Variants in POLR3H observed in about 807,000 individuals in gnomAD.
The protein encoded by POLR3H is RNA polymerase III subunit H.
Under a neutral mutation model 25.5 loss-of-function variants are expected in POLR3H, and 17 were observed. The observed-to-expected ratio is 0.67, with a 90% confidence interval of 0.46 to 1.00. The LOEUF (loss-of-function observed/expected upper bound fraction) is 1.00. Ranked by LOEUF, POLR3H falls within the 50% of genes least tolerant of loss-of-function variation. The probability of loss-of-function intolerance (pLI) is 0.00; values close to 1 mark genes in which losing one functional copy is unlikely to be tolerated. For synonymous variants in POLR3H, 129 were observed against 103.0 expected (o/e 1.25, Z -1.53); for missense variants, 274 against 265.0 (o/e 1.03, Z -0.24).
At chr22:41,533,057 G>A (rs1210138984) in intron 2 of POLR3H, among the ~76,000 whole-genome samples, 4 of 152,234 alleles carry the variant, frequency 2.6e-5, no homozygotes, top group South Asian at 2.1e-4. Flanking sequence ...CCTAAAAAGG[G>A]CAGAAGCAAC....
chr22:41,533,457 A>C (rs1473740223), intron 2 of POLR3H: 2 of 1,128,056 alleles, frequency 1.8e-6, no homozygotes, highest in Admixed American at 3.9e-5. Context: ...GCAGTGGCTC[A>C]GAGCCAGGGT....
rs140567350 is a variant in POLR3H, at chr22:41,530,813, G to A, written c.435C>T (p.Gly145=). The part of the protein sequence containing the change: ...EGAHDLYMDT[G]EEIRFRVVDE... ...CCACCACCCGGAAGCGGATCTCCTC[G>A]CCGGTGTCCATGTAGAGGTCGTGTG... Residue 145 remains glycine, a synonymous_variant, in exon 5 of 6, where the codon GGC becomes GGT. Transcript: ENST00000355209. 3.3e-4 allele frequency: 538 copies of A among 1,613,954 alleles called. 2 individuals are homozygous for A. Among genetic ancestry groups the A allele is most frequent in the Admixed American group, 4.3e-4 (26 of 60,008 alleles).
rs1372709074 is a variant in POLR3H, at chr22:41,527,178, G to C, written c.*2105C>G. 1 of 1,535,126 alleles carries C rather than the reference G, an allele frequency of 6.5e-7. No individual in the cohort carries two copies. On this transcript the variant is annotated 3_prime_UTR_variant, in exon 6 of 6. Transcript: ENST00000355209. Reference sequence around the variant, plus strand: ...AGGGCCCCTCCAGCCCCTTTACCGGGAGCCTCAGGATGCCCAGGCGCCAGG... The same window carrying C: ...AGGGCCCCTCCAGCCCCTTTACCGGCAGCCTCAGGATGCCCAGGCGCCAGG...
chr22:41,537,559 A>G (rs2066868517), intron 2 of POLR3H, among the ~76,000 whole-genome samples: 1 of 152,204 alleles, frequency 6.6e-6, no homozygotes, highest in Admixed American at 6.5e-5. Context: ...CATGGTGCTC[A>G]ACAGGACTTT....
chr22:41,527,978 G>A lies in POLR3H; in HGVS notation c.*1305C>T. The stretch of plus-strand genomic sequence containing the variant: ...TGACTACAACAAGATTCACCCTGTG[G>A]ACAAGCTGACCATTCAGGGCCTGAA... On this transcript the variant is annotated 3_prime_UTR_variant, in exon 6 of 6. Coordinates refer to ENST00000355209, the MANE Select transcript of POLR3H (RefSeq NM_001018050.4). 6.2e-7 allele frequency: 1 copy of A among 1,614,196 alleles called. No homozygotes were observed. The highest frequency in any genetic ancestry group is 8.5e-7 in the Non-Finnish European group (1 of 1,180,016).
chr22:41,533,865 G>C (rs532728601), intron 2 of POLR3H, among the ~76,000 whole-genome samples: 67 of 152,328 alleles, frequency 4.4e-4, no homozygotes, highest in South Asian at 3.7e-3. Context: ...GAGGCCGGGC[G>C]GGGTGGCTCA....
rs760261605 is a variant in POLR3H at position 41,528,438 on chromosome 22, A to G, written c.*845T>C. ...CCCCCCTGCGGGGCCAAGGGCACAC[A>G]GTACCCACCACTTCCACCCACACCC... On this transcript the variant is annotated 3_prime_UTR_variant, in exon 6 of 6. Transcript: ENST00000355209. 5 of 1,605,156 alleles carry G rather than the reference A, an allele frequency of 3.1e-6. No individual in the cohort carries two copies. Among genetic ancestry groups the G allele is most frequent in the Non-Finnish European group, 3.4e-6 (4 of 1,176,670 alleles).
intron 2 of POLR3H, 53 bp from the exon 3 acceptor site, chr22:41,532,798 C>T (rs1236100632): frequency 6.3e-7 from 1 of 1,586,264 alleles, no homozygotes; most frequent in East Asian, 2.2e-5. Context: ...CAGTGCGCTC[C>T]CATGTCACCC....
intron 2 of POLR3H, chr22:41,533,772 G>C (rs1016529071): frequency 8.4e-7 from 1 of 1,189,890 alleles, no homozygotes; most frequent in African/African-American, 1.6e-5. Flanking sequence ...AGATGAGGGC[G>C]GCCAAGGGCC....
chr22:41,540,301 A>C (rs2066908800), intron 2 of POLR3H: 1 of 350,260 alleles, frequency 2.9e-6, no homozygotes, highest in Non-Finnish European at 5.6e-6. Flanking sequence ...AGAGCTATGA[A>C]GTCAGAGCTG....
At chr22:41,529,645 C>A in intron 5 of POLR3H, 1 of 672,574 alleles carries the variant, frequency 1.5e-6, no homozygotes, top group Non-Finnish European at 2.8e-6. Context: ...AACACAAGGC[C>A]CATGCTCCAG....
chr22:41,544,409 C>T lies in POLR3H; in HGVS notation c.-308G>A. 3.8e-6 allele frequency: 1 copy of T among 263,102 alleles called. No homozygotes were observed. The highest frequency in any genetic ancestry group is 7.1e-6 in the Non-Finnish European group (1 of 140,932). 16.3% of individuals were successfully genotyped at this position (263,102 alleles called of 1,614,324 possible). ...CACGCCCCGCACCCGCGCCACGTGC[C>T]GCCGCTCGTATCACGCACCACGCAC... On this transcript the variant is annotated 5_prime_UTR_variant, in exon 1 of 6. Coordinates refer to ENST00000355209, the MANE Select transcript of POLR3H (RefSeq NM_001018050.4).
chr22:41,538,322 A>G (rs1375123472), intron 2 of POLR3H, among the ~76,000 whole-genome samples: 1 of 151,870 alleles, frequency 6.6e-6, no homozygotes, highest in African/African-American at 2.4e-5. Context: ...TTTAGTAGAG[A>G]CAGGGTTTCA....
rs182262241 is a variant in POLR3H, at chr22:41,527,056, T to A, written c.*2227A>T. 99 of 610,744 alleles carry A rather than the reference T, an allele frequency of 1.6e-4. No homozygotes were observed. Among genetic ancestry groups the A allele is most frequent in the Admixed American group, 6.6e-4 (22 of 33,182 alleles). The allele number at this position is 610,744 out of a possible 1,614,324, so 37.8% of individuals were successfully genotyped here. ...GCACCAATGGGTGGCTTCTGTCTTC[T>A]TTGCCACTGCAAACAACCACGTGCC... On this transcript the variant is annotated 3_prime_UTR_variant, in exon 6 of 6. Transcript: ENST00000355209.
chr22:41,526,137 G>A lies in POLR3H; in HGVS notation c.*3146C>T. ...CCACAGAACACGTGTCTGAAGACTT[G>A]CCTGCCTCTCACCCCTCTGTCACCC... On this transcript the variant is annotated 3_prime_UTR_variant, in exon 6 of 6. Transcript: ENST00000355209. 2 of 776,908 alleles carry A rather than the reference G, an allele frequency of 2.6e-6. No homozygotes were observed. The highest frequency in any genetic ancestry group is 4.2e-6 in the Non-Finnish European group (2 of 481,284). The allele number at this position is 776,908 out of a possible 1,614,324, so 48.1% of individuals were successfully genotyped here. A position where few individuals can be genotyped will look rare whatever the true frequency, so the allele number is the denominator to read the frequency against.
At position 41,528,222 on chromosome 22, in the gene POLR3H, T is replaced by C; in HGVS notation, c.*1061A>G. 1.2e-6 allele frequency: 1 copy of C among 852,626 alleles called. No individual in the cohort carries two copies. The highest frequency in any genetic ancestry group is 1.8e-6 in the Non-Finnish European group (1 of 565,478). The allele number at this position is 852,626 out of a possible 1,614,324, so 52.8% of individuals were successfully genotyped here. A position where few individuals can be genotyped will look rare whatever the true frequency, so the allele number is the denominator to read the frequency against. On this transcript the variant is annotated 3_prime_UTR_variant, in exon 6 of 6. Coordinates refer to ENST00000355209, the MANE Select transcript of POLR3H (RefSeq NM_001018050.4). ...GGAGTCAACCCGGGGCCCTCACACCTCCCCAACCTCCCTTTACTCACCAGG... is the reference window on the plus strand; with the variant it reads ...GGAGTCAACCCGGGGCCCTCACACCCCCCCAACCTCCCTTTACTCACCAGG...
chr22:41,529,429 G>T, intron 5 of POLR3H, 93 bp from the exon 6 acceptor site: 1 of 1,153,844 alleles, frequency 8.7e-7, no homozygotes, highest in African/African-American at 1.5e-5. Flanking sequence ...GCCCAGCACA[G>T]GCAAAGAAGA....
chr22:41,532,666 T>TC lies in POLR3H; in HGVS notation c.287dup (p.Val97SerfsTer10). The TC allele has an allele frequency of 6.2e-7, 1 of 1,613,986 alleles. No individual in the cohort carries two copies. Among genetic ancestry groups the TC allele is most frequent in the Non-Finnish European group, 8.5e-7 (1 of 1,179,918 alleles). Reference sequence around the variant, plus strand: ...CGTCAGGGCCACTGTTACCGTGCACTCCTTCTGGGCTGCAGCCTTTGATCT... The same window carrying TC: ...CGTCAGGGCCACTGTTACCGTGCACTCCCTTCTGGGCTGCAGCCTTTGATCT... On this transcript the variant is annotated frameshift_variant, in exon 3 of 6. Transcript: ENST00000355209. LOFTEE classifies it high-confidence loss of function.
Position 41,527,380 on chromosome 22 carries a change from G to A in POLR3H, c.*1903C>T, listed in dbSNP as rs770017136. 1 of 1,613,716 alleles carries A rather than the reference G, an allele frequency of 6.2e-7. No individual in the cohort carries two copies. The highest frequency in any genetic ancestry group is 8.5e-7 in the Non-Finnish European group (1 of 1,179,962). On this transcript the variant is annotated 3_prime_UTR_variant, in exon 6 of 6. Coordinates refer to ENST00000355209, the MANE Select transcript of POLR3H (RefSeq NM_001018050.4). ...CAGCTCTGGAGCCTCGCCACCTTGG[G>A]GGCCGGGCCATCATCACCAAGAGCT...
Sources: gnomAD v4.1 joint callset for allele counts (sites outside exome capture counted in the v4.1 genomes callset) on GRCh38, gnomAD v4.1.1 for gene constraint, MANE v1.5 for transcripts, NCBI Gene and HGNC (gene_info 2026-07-23, HGNC 2026-07-21) for gene names.